Variants in CHMP4B observed in about 807,000 individuals in gnomAD.
The protein encoded by CHMP4B is SNF7 homolog associated with Alix 1.
CHMP4B carries 1 observed loss-of-function variant against 25.1 expected under a neutral mutation model. The observed-to-expected ratio is 0.04, with a 90% CI of 0.01 to 0.19. The LOEUF (loss-of-function observed/expected upper bound fraction) is 0.19. Among genes scored for constraint, CHMP4B ranks in the 10% least tolerant of loss-of-function variants. The pLI is 1.00. For synonymous variants in CHMP4B, 101 were observed against 115.6 expected (o/e 0.87, Z 0.81); for missense variants, 151 against 289.7 (o/e 0.52, Z 3.48).
At chr20:33,843,454 G>T (rs1979599072) in intron 1 of CHMP4B, among the ~76,000 whole-genome samples, 1 of 152,236 alleles carries the variant, frequency 6.6e-6, no homozygotes, top group Non-Finnish European at 1.5e-5. Flanking sequence ...TCTGGCAGAA[G>T]ATGGGTTTCT....
chr20:33,833,214 G>A (rs1323428452), intron 1 of CHMP4B, among the ~76,000 whole-genome samples: 2 of 152,166 alleles, frequency 1.3e-5, no homozygotes, highest in Non-Finnish European at 2.9e-5. Flanking sequence ...CCCACAGAAA[G>A]ATCTGGGAGA....
chr20:33,851,883 T>G (rs1156624504), intron 3 of CHMP4B, among the ~76,000 whole-genome samples, 194 bp from the exon 4 acceptor site: 2 of 152,212 alleles, frequency 1.3e-5, no homozygotes, highest in Non-Finnish European at 2.9e-5. Context: ...ATCAGTGATG[T>G]GCAGCAGTGA....
intron 1 of CHMP4B, among the ~76,000 whole-genome samples, chr20:33,844,405 G>A (rs1240194140): frequency 6.6e-6 from 1 of 152,170 alleles, no homozygotes; most frequent in Non-Finnish European, 1.5e-5. Context: ...GTGCTGGATT[G>A]CTGATCTGCA....
At position 33,846,209 on chromosome 20, in the gene CHMP4B, C is replaced by T. The variant is rs937695394; in HGVS notation, c.191-2258C>T. Among the ~76,000 whole-genome samples the T allele has an allele frequency of 3.3e-5, 5 of 152,266 alleles. No individual in the cohort carries two copies. In the Middle Eastern group the frequency reaches 0.014, roughly 414 times the overall value. ...TACCTGGTTTAAGTCCCCTCTCTGC[C>T]AGTTACCTGGGCTGAGTCACAGGAC... On this transcript the variant is annotated intron_variant, in intron 1 of 4. Transcript: ENST00000217402.
chr20:33,853,665 C>A lies in CHMP4B; in HGVS notation c.*105C>A. On this transcript the variant is annotated 3_prime_UTR_variant, in exon 5 of 5. Coordinates refer to ENST00000217402, the MANE Select transcript of CHMP4B (RefSeq NM_176812.5). The stretch of plus-strand genomic sequence containing the variant: ...AGGATGTGGTGCAGGCAGGTTCCAT[C>A]GCTTTCGACTCTCACTCCAAAGCAG... 2.0e-6 allele frequency: 2 copies of A among 981,094 alleles called. No homozygotes were observed. Among genetic ancestry groups the A allele is most frequent in the Non-Finnish European group, 3.2e-6 (2 of 618,112 alleles). 60.8% of individuals were successfully genotyped at this position (981,094 alleles called of 1,614,324 possible).
chr20:33,833,270 G>A (rs1568608362), intron 1 of CHMP4B, among the ~76,000 whole-genome samples: 1 of 152,152 alleles, frequency 6.6e-6, no homozygotes, highest in Non-Finnish European at 1.5e-5. Context: ...TGAGTTACTG[G>A]TCTCTCTGAG....
chr20:33,845,646 T>C (rs754879337), intron 1 of CHMP4B, among the ~76,000 whole-genome samples: 9 of 152,166 alleles, frequency 5.9e-5, no homozygotes, highest in Non-Finnish European at 1.2e-4. Context: ...TGAATCTTAA[T>C]GATGGGCTGG....
At chr20:33,851,695 C>T (rs950067579) in intron 3 of CHMP4B, among the ~76,000 whole-genome samples, 1 of 152,104 alleles carries the variant, frequency 6.6e-6, no homozygotes, top group Non-Finnish European at 1.5e-5. Flanking sequence ...GCTCTCAACA[C>T]CAGGGTTTTC....
chr20:33,852,202 C>T lies in CHMP4B; in HGVS notation c.609C>T (p.Pro203=), dbSNP rs201373276. The part of the protein sequence containing the change: ...NVPSIALPSK[P]AKKKEEEDDD... ...CCTCTATAGCCCTACCATCAAAACC[C>T]GGTGAGTGCTTCTAGAGTCATGGCA... is the stretch of plus-strand genomic sequence containing the variant. The change falls in exon 4 of 5, where the codon CCC becomes CCT. Residue 203 remains proline, a splice_region_variant and synonymous_variant. Coordinates refer to ENST00000217402, the MANE Select transcript of CHMP4B (RefSeq NM_176812.5). 5.6e-5 allele frequency: 90 copies of T among 1,614,086 alleles called. No homozygotes were observed. Among genetic ancestry groups the T allele is most frequent in the African/African-American group, 3.6e-4 (27 of 74,964 alleles).
chr20:33,825,031 T>G (rs1420096346), intron 1 of CHMP4B, among the ~76,000 whole-genome samples: 1 of 152,094 alleles, frequency 6.6e-6, no homozygotes, highest in Non-Finnish European at 1.5e-5. Context: ...GAAACCAAGG[T>G]CTAGAGACTT....
Position 33,848,455 on chromosome 20 carries a change from T to G in CHMP4B, c.191-12T>G. On this transcript the variant is annotated splice_polypyrimidine_tract_variant and intron_variant, in intron 1 of 4. Transcript: ENST00000217402. ...CGGGACTCTCTGAAACCCTGTTTTC[T>G]CCCTCACGCAGCGGCCCTCCAGGCA... The G allele has an allele frequency of 6.2e-7, 1 of 1,613,890 alleles. No homozygotes were observed. The highest frequency in any genetic ancestry group is 1.1e-5 in the South Asian group (1 of 91,066).
intron 1 of CHMP4B, among the ~76,000 whole-genome samples, chr20:33,837,930 G>A (rs1979432559): frequency 6.6e-6 from 1 of 152,208 alleles, no homozygotes; most frequent in African/African-American, 2.4e-5. Context: ...TATTGTTAGA[G>A]CTCAAGGAAG....
intron 1 of CHMP4B, among the ~76,000 whole-genome samples, chr20:33,814,188 T>C (rs1453479201): frequency 1.3e-5 from 2 of 152,180 alleles, no homozygotes; most frequent in East Asian, 3.8e-4. Context: ...CCTACCCTTC[T>C]TTTTAGCATC....
chr20:33,829,678 T>C (rs1457020921), intron 1 of CHMP4B, among the ~76,000 whole-genome samples: 1 of 152,230 alleles, frequency 6.6e-6, no homozygotes, highest in Non-Finnish European at 1.5e-5. Context: ...GGCTAATATA[T>C]GCACGTACAG....
At chr20:33,843,106 G>A (rs1027502686) in intron 1 of CHMP4B, among the ~76,000 whole-genome samples, 5 of 152,198 alleles carry the variant, frequency 3.3e-5, no homozygotes, top group South Asian at 4.1e-4. Flanking sequence ...CTGGGTGAAC[G>A]TCTTTTTGAC....
intron 1 of CHMP4B, among the ~76,000 whole-genome samples, chr20:33,819,450 G>T (rs533807104): frequency 2.0e-5 from 3 of 152,334 alleles, no homozygotes; most frequent in African/African-American, 4.8e-5. Context: ...CCTAAAGTTT[G>T]TTTGGTCCTT....
intron 1 of CHMP4B, among the ~76,000 whole-genome samples, chr20:33,812,513 TGTC>T (rs1225733717): frequency 4.6e-5 from 7 of 152,272 alleles, no homozygotes. Context: ...TACTTCCTGT[TGTC>T]GTATGGCTTT....
chr20:33,829,110 T>A (rs1979172330), intron 1 of CHMP4B, among the ~76,000 whole-genome samples: 1 of 152,190 alleles, frequency 6.6e-6, no homozygotes, highest in South Asian at 2.1e-4. Context: ...TCACAGCCCA[T>A]TAGGGATTAT....
chr20:33,818,746 T>TCCCG (rs1978850951), intron 1 of CHMP4B, among the ~76,000 whole-genome samples: 1 of 152,184 alleles, frequency 6.6e-6, no homozygotes, highest in Non-Finnish European at 1.5e-5. Flanking sequence ...ACAGGTCTGA[T>TCCCG]CCCGCTTCTA....
Sources: allele counts gnomAD v4.1 joint callset (sites outside exome capture counted in the v4.1 genomes callset), GRCh38; gene constraint gnomAD v4.1.1; transcripts MANE v1.5; gene names NCBI Gene and HGNC (gene_info 2026-07-23, HGNC 2026-07-21).